FAT4: variants seen among roughly 807,000 people sequenced by gnomAD.
FAT4 encodes FAT atypical cadherin 4, also known as protocadherin Fat 4.
FAT4 carries 84 observed loss-of-function variants against 303.9 expected under a neutral mutation model. The observed-to-expected ratio is 0.28, with a 90% confidence interval of 0.23 to 0.33. The LOEUF (loss-of-function observed/expected upper bound fraction) is 0.33, where lower values mean the gene tolerates loss of function less well. Among genes scored for constraint, FAT4 ranks in the 10% least tolerant of loss-of-function variants. The probability of loss-of-function intolerance (pLI) is 1.00; values close to 1 mark genes in which losing one functional copy is unlikely to be tolerated. For missense variants in FAT4, 6,005 were observed against 6,146.8 expected (o/e 0.98, Z 0.77); for synonymous variants, 2,307 against 2,298.8 (o/e 1.00, Z -0.10).
At chr4:125,436,175 G>A (rs1296604584) in intron 8 of FAT4, among the ~76,000 whole-genome samples, 1 of 123,344 alleles carries the variant, frequency 8.1e-6, no homozygotes, top group Non-Finnish European at 1.7e-5. Context: ...ATGTACCCTA[G>A]AACTTAAAGT....
intron 2 of FAT4, among the ~76,000 whole-genome samples, chr4:125,363,535 T>C (rs747555481): frequency 1.5e-4 from 23 of 151,994 alleles, no homozygotes; most frequent in Non-Finnish European, 2.4e-4. Flanking sequence ...CTTGCTGTAT[T>C]GCCAGCCTGG....
rs1406955213 is a variant in FAT4, at chr4:125,321,161, C to T, written c.4750C>T (p.Leu1584=). The part of the protein sequence containing the change: ...TFIVDRYSGD[L]RVASALVPSQ... ...CATTGTTGATCGTTATAGTGGAGAC[C>T]TGAGAGTGGCTTCAGCGTTGGTGCC... Residue 1584 remains leucine (L), a synonymous_variant, in exon 2 of 18, where the codon CTG becomes TTG. Coordinates refer to ENST00000394329, the MANE Select transcript of FAT4 (RefSeq NM_001291303.3). 6.2e-7 allele frequency: 1 copy of T among 1,614,082 alleles called. No individual in the cohort carries two copies. The highest frequency in any genetic ancestry group is 8.5e-7 in the Non-Finnish European group (1 of 1,179,972).
chr4:125,491,037 C>T lies in FAT4; in HGVS notation c.14221C>T (p.Gln4741Ter). Reference protein sequence around the residue: ...NTLEMHGDTCQPGIFNYATRL... With the variant: ...NTLEMHGDTC Reference sequence around the variant, plus strand: ...TTTGGAAATGCATGGTGACACCTGCCAACCTGGCATTTTCAACTATGCCAC... The same window carrying T: ...TTTGGAAATGCATGGTGACACCTGCTAACCTGGCATTTTCAACTATGCCAC... The change falls in exon 18 of 18, where the codon CAA (glutamine) becomes TAA (stop). Residue 4741 changes from glutamine (Q) to a stop codon, truncating the protein, a stop_gained. Coordinates refer to ENST00000394329, the MANE Select transcript of FAT4 (RefSeq NM_001291303.3). LOFTEE classifies it high-confidence loss of function. The T allele has an allele frequency of 1.2e-6, 2 of 1,614,226 alleles. No individual in the cohort carries two copies. The highest frequency in any genetic ancestry group is 1.7e-6 in the Non-Finnish European group (2 of 1,180,042).
intron 10 of FAT4, 79 bp downstream of exon 10, chr4:125,452,889 C>T (rs1726149030): frequency 6.8e-7 from 1 of 1,461,334 alleles, no homozygotes; most frequent in Admixed American, 2.3e-5. Context: ...TTATCATTTT[C>T]CAATGATTTT....
chr4:125,325,968 C>A (rs754985123), intron 2 of FAT4, among the ~76,000 whole-genome samples: 3 of 152,050 alleles, frequency 2.0e-5, no homozygotes, highest in Non-Finnish European at 4.4e-5. Flanking sequence ...TTTCCCAGGA[C>A]TCCTTAAACA....
intron 14 of FAT4, among the ~76,000 whole-genome samples, chr4:125,477,557 A>G (rs891224089): frequency 2.1e-5 from 3 of 145,156 alleles, no homozygotes; most frequent in East Asian, 3.9e-4. Flanking sequence ...ATATATATAT[A>G]TATATATGCA....
At chr4:125,412,520 G>C (rs1047423619) in intron 5 of FAT4, among the ~76,000 whole-genome samples, 4 of 151,466 alleles carry the variant, frequency 2.6e-5, no homozygotes, top group African/African-American at 9.7e-5. Context: ...CTTTTAGTTA[G>C]CTTAAAATTT....
chr4:125,479,925 T>C, intron 15 of FAT4, 60 bp downstream of exon 15: 1 of 1,337,034 alleles, frequency 7.5e-7, no homozygotes, highest in Non-Finnish European at 1.0e-6. Context: ...GTAAAATATA[T>C]GCACCCAAGT....
chr4:125,331,721 T>C (rs1731390586), intron 2 of FAT4, among the ~76,000 whole-genome samples: 1 of 152,206 alleles, frequency 6.6e-6, no homozygotes, highest in South Asian at 2.1e-4. Flanking sequence ...AGAAAACAGG[T>C]GAATACATAG....
intron 2 of FAT4, among the ~76,000 whole-genome samples, chr4:125,387,438 G>A (rs1161073805): frequency 6.6e-6 from 1 of 152,074 alleles, no homozygotes; most frequent in Non-Finnish European, 1.5e-5. Context: ...TTGTACTTGT[G>A]CCATTATTTT....
chr4:125,460,813 G>T (rs991066420), intron 10 of FAT4, among the ~76,000 whole-genome samples: 1 of 152,108 alleles, frequency 6.6e-6, no homozygotes, highest in African/African-American at 2.4e-5. Context: ...TAATGGGATT[G>T]TTGGGTCAAA....
intron 2 of FAT4, among the ~76,000 whole-genome samples, chr4:125,396,797 TTTTA>T (rs1734191383): frequency 1.3e-5 from 2 of 152,028 alleles, no homozygotes; most frequent in African/African-American, 4.8e-5. Context: ...TTCAGTTACC[TTTTA>T]TTTGTTATTT....
chr4:125,413,932 A>C (rs1337117309), intron 5 of FAT4, among the ~76,000 whole-genome samples: 1 of 152,010 alleles, frequency 6.6e-6, no homozygotes. Flanking sequence ...CCCAGAATAT[A>C]CATCTTTATT....
Position 125,491,802 on chromosome 4 carries a change from A to G in FAT4, c.*34A>G. 1 of 1,534,816 alleles carries G rather than the reference A, an allele frequency of 6.5e-7. No individual in the cohort carries two copies. ...TACTGGCACTATAAAATATAAAAACAAGAAATAATACTCAAACCATTGTAA... is the reference window on the plus strand; with the variant it reads ...TACTGGCACTATAAAATATAAAAACGAGAAATAATACTCAAACCATTGTAA... On this transcript the variant is annotated 3_prime_UTR_variant, in exon 18 of 18. Transcript: ENST00000394329.
chr4:125,339,417 C>T (rs1046826178), intron 2 of FAT4, among the ~76,000 whole-genome samples: 1 of 151,972 alleles, frequency 6.6e-6, no homozygotes, highest in East Asian at 1.9e-4. Context: ...AGGATGGTCT[C>T]GATCTTCTGA....
chr4:125,439,378 G>C (rs2126048216), intron 8 of FAT4, among the ~76,000 whole-genome samples: 1 of 151,172 alleles, frequency 6.6e-6, no homozygotes, highest in East Asian at 2.0e-4. Flanking sequence ...TGTCACCCAG[G>C]CTGGCGTGCT....
intron 12 of FAT4, 28 bp from the exon 13 acceptor site, chr4:125,476,143 T>C (rs761907588): frequency 6.8e-7 from 1 of 1,471,708 alleles, no homozygotes; most frequent in Non-Finnish European, 9.4e-7. Context: ...GAACTCAAAG[T>C]TGAATGTTTC....
At chr4:125,393,471 C>A (rs140627115) in intron 2 of FAT4, among the ~76,000 whole-genome samples, 1 of 151,868 alleles carries the variant, frequency 6.6e-6, no homozygotes, top group African/African-American at 2.4e-5. Context: ...TTGATATTAG[C>A]GATTGTTAGG....
rs114651009 is a variant in FAT4 at position 125,333,735 on chromosome 4, T to C, written c.5175+12149T>C. Among the ~76,000 whole-genome samples, 695 of 152,342 alleles carry C rather than the reference T, an allele frequency of 4.6e-3. 4 individuals are homozygous for C. The highest frequency in any genetic ancestry group is 0.015 in the African/African-American group (629 of 41,588). On this transcript the variant is annotated intron_variant, in intron 2 of 17. Transcript: ENST00000394329. ...ATTTCTAGTAATCTGTGTCTTAGAT[T>C]GTTTCCATTTTTCAAGAAATAGAAA...
Sources: gnomAD v4.1 joint callset for allele counts (sites outside exome capture counted in the v4.1 genomes callset) on GRCh38, gnomAD v4.1.1 for gene constraint, MANE v1.5 for transcripts, NCBI Gene and HGNC (gene_info 2026-07-23, HGNC 2026-07-21) for gene names.